Variants in SYNE1 observed in about 807,000 individuals in gnomAD.
SYNE1 encodes the protein nesprin-1.
SYNE1 carries 616 observed loss-of-function variants against 1,111.0 expected under a neutral mutation model. The observed-to-expected ratio is 0.55, with a 90% confidence interval of 0.52 to 0.59. The LOEUF is 0.59. SYNE1 is among the 20% of genes least tolerant of loss of function. SYNE1 has a pLI of 0.00. For synonymous variants in SYNE1, 3,855 were observed against 3,825.8 expected, an observed-to-expected ratio of 1.01 and a Z score of -0.28; for missense variants, 10,006 against 10,417.0, an observed-to-expected ratio of 0.96 and a Z score of 1.72.
At chr6:152,553,922 CTT>C (rs1279196695) in intron 3 of SYNE1, among the ~76,000 whole-genome samples, 1 of 152,060 alleles carries the variant, frequency 6.6e-6, no homozygotes, top group Non-Finnish European at 1.5e-5. Context: ...CTAGGAGAGT[CTT>C]TCAGAGATGT....
At chr6:152,193,791 C>T (rs1374031817) in intron 127 of SYNE1, among the ~76,000 whole-genome samples, 2 of 151,960 alleles carry the variant, frequency 1.3e-5, no homozygotes, top group African/African-American at 4.8e-5. Flanking sequence ...GTGGGCAGAT[C>T]ATGAGGTTAG....
intron 3 of SYNE1, among the ~76,000 whole-genome samples, chr6:152,558,018 A>ATT (rs1281223281): frequency 2.0e-5 from 3 of 152,192 alleles, no homozygotes; most frequent in Admixed American, 6.5e-5. Flanking sequence ...GTTAATGGGT[A>ATT]CACAATATAA....
rs1382734634 is a variant in SYNE1, at chr6:152,135,136, C to T, written c.25756G>A (p.Glu8586Lys). 6.2e-7 allele frequency: 1 copy of T among 1,614,160 alleles called. No homozygotes were observed. The highest frequency in any genetic ancestry group is 2.2e-5 in the East Asian group (1 of 44,868). ...TGTTTGTGATGGTCCTGAAGTATCT[C>T]TGCATCAAGGTTAGAATCAATAGGG... ...IVPIDSNLDAEILQDHHKQLM... is the reference protein window; with the variant it reads ...IVPIDSNLDAKILQDHHKQLM... The change falls in exon 142 of 146, where the codon GAG becomes AAG. Residue 8586 changes from glutamate (E) to lysine (K), a missense_variant. By Grantham distance (56) the Glu-to-Lys change is moderately conservative. Coordinates refer to ENST00000367255, the MANE Select transcript of SYNE1 (RefSeq NM_182961.4).
At chr6:152,588,086 T>C (rs6936696) in intron 3 of SYNE1, among the ~76,000 whole-genome samples, 5,008 of 152,196 alleles carry the variant, frequency 0.033, 277 homozygotes, top group African/African-American at 0.11. Context: ...CTTTATCACT[T>C]GTCTGTCTGA....
chr6:152,463,497 A>G lies in SYNE1; in HGVS notation c.1953T>C (p.Pro651=). ...TGGCAGTATGCTGCTGAATCCAATG[A>G]GGTAAATTTCGAAAAAAATCCTAAA... ...NAKKDFFRNL[P]HWIQQHTAMN... is the part of the protein sequence containing the mutation. The change falls in exon 19 of 146, where the codon CCT becomes CCC. Residue 651 remains proline, a synonymous_variant. Transcript: ENST00000367255. 13 of 1,613,446 alleles carry G rather than the reference A, an allele frequency of 8.1e-6. No homozygotes were observed. The highest frequency in any genetic ancestry group is 1.0e-5 in the Non-Finnish European group (12 of 1,179,576).
chr6:152,184,916 C>T (rs2069368204), intron 128 of SYNE1, among the ~76,000 whole-genome samples: 1 of 152,032 alleles, frequency 6.6e-6, no homozygotes, highest in South Asian at 2.1e-4. Context: ...TTCAGATGAA[C>T]CCTCAAATTA....
At chr6:152,442,833 C>A (rs559242742) in intron 30 of SYNE1, among the ~76,000 whole-genome samples, 1 of 152,224 alleles carries the variant, frequency 6.6e-6, no homozygotes, top group East Asian at 1.9e-4. Context: ...GTGGTCCCAG[C>A]TACTCGGAAG....
chr6:152,577,255 C>A (rs1369801074), intron 3 of SYNE1, among the ~76,000 whole-genome samples: 2 of 152,164 alleles, frequency 1.3e-5, no homozygotes, highest in Non-Finnish European at 2.9e-5. Flanking sequence ...AATGTGAACA[C>A]AATTGCCACT....
chr6:152,542,682 T>G (rs1210518190), intron 3 of SYNE1, among the ~76,000 whole-genome samples: 1 of 152,124 alleles, frequency 6.6e-6, no homozygotes, highest in Non-Finnish European at 1.5e-5. Context: ...ATACTGTCAC[T>G]CAAGGGTAGC....
intron 2 of SYNE1, among the ~76,000 whole-genome samples, chr6:152,629,532 G>GGGA (rs2099693770): frequency 8.4e-6 from 1 of 119,008 alleles, no homozygotes; most frequent in Non-Finnish European, 1.8e-5. Flanking sequence ...CGGGGGGGGG[G>GGGA]GGGGGAGGGG....
rs757835316 is a variant in SYNE1 at position 152,233,890 on chromosome 6, C to A, written c.20603G>T (p.Arg6868Leu). Residue 6868 changes from arginine to leucine, a missense_variant, in exon 112 of 146, where the codon CGA becomes CTA. Transcript: ENST00000367255. The stretch of plus-strand genomic sequence containing the variant: ...CGTGGCTGTGTCCACCTTTTTTAGT[C>A]GAAGGAGCTGATTTCCAGTACTCAG... The part of the protein sequence containing the change: ...SVLSTGNQLL[R>L]LKKVDTATLR... 6.2e-7 allele frequency: 1 copy of A among 1,614,104 alleles called. No homozygotes were observed. The highest frequency in any genetic ancestry group is 1.1e-5 in the South Asian group (1 of 91,072).
chr6:152,463,968 G>A (rs2098749767), intron 18 of SYNE1, among the ~76,000 whole-genome samples: 1 of 152,166 alleles, frequency 6.6e-6, no homozygotes, highest in African/African-American at 2.4e-5. Flanking sequence ...AGATTGTGTG[G>A]TGGTAAAGTT....
At chr6:152,552,142 G>A (rs2099349251) in intron 3 of SYNE1, among the ~76,000 whole-genome samples, 1 of 152,094 alleles carries the variant, frequency 6.6e-6, no homozygotes, top group Admixed American at 6.6e-5. Context: ...GGAAAAGGGG[G>A]GAGAAAAGCT....
At chr6:152,567,262 A>G (rs967733002) in intron 3 of SYNE1, among the ~76,000 whole-genome samples, 1 of 152,220 alleles carries the variant, frequency 6.6e-6, no homozygotes, top group Admixed American at 6.5e-5. Flanking sequence ...CATTATATAT[A>G]TGCCACAATT....
intron 55 of SYNE1, among the ~76,000 whole-genome samples, chr6:152,384,407 T>C (rs1374748072): frequency 1.3e-5 from 2 of 152,120 alleles, no homozygotes; most frequent in Non-Finnish European, 1.5e-5. Flanking sequence ...GGTAGATGGA[T>C]AGATGGAAGG....
At chr6:152,346,574 G>T (rs1244206478) in intron 73 of SYNE1, among the ~76,000 whole-genome samples, 2 of 152,086 alleles carry the variant, frequency 1.3e-5, no homozygotes, top group Non-Finnish European at 2.9e-5. Flanking sequence ...ACGTTGGGAG[G>T]CAGAGGTGGG....
intron 107 of SYNE1, among the ~76,000 whole-genome samples, chr6:152,240,594 A>G (rs1044031946): frequency 6.6e-6 from 1 of 152,204 alleles, no homozygotes; most frequent in South Asian, 2.1e-4. Flanking sequence ...CCATGATAAA[A>G]TGGAAGAGCT....
intron 45 of SYNE1, chr6:152,405,090 A>C (rs567412305): frequency 6.6e-6 from 1 of 152,382 alleles, no homozygotes; most frequent in South Asian, 2.1e-4. Context: ...AAGCTGGCCG[A>C]GCAACTGAGG....
At chr6:152,175,835 C>G (rs1015706807) in intron 130 of SYNE1, among the ~76,000 whole-genome samples, 7 of 152,126 alleles carry the variant, frequency 4.6e-5, no homozygotes, top group Non-Finnish European at 8.8e-5. Context: ...CCCTACCCTT[C>G]TGCAACAGAA....
Sources: allele counts gnomAD v4.1 joint callset (sites outside exome capture counted in the v4.1 genomes callset), GRCh38; gene constraint gnomAD v4.1.1; transcripts MANE v1.5; gene names NCBI Gene and HGNC (gene_info 2026-07-23, HGNC 2026-07-21).